The following DNAH7 variants were observed in gnomAD, a reference collection of about 807,000 sequenced individuals.
DNAH7 encodes dynein axonemal heavy chain 7.
A neutral mutation model predicts 444.6 loss-of-function variants in DNAH7; 397 were observed. That is an observed-to-expected ratio of 0.89 (90% CI 0.82 to 0.97). The LOEUF (loss-of-function observed/expected upper bound fraction) is 0.97. Among genes scored for constraint, DNAH7 ranks in the 50% least tolerant of loss-of-function variants. The probability of loss-of-function intolerance (pLI) is 0.00; values close to 1 mark genes in which losing one functional copy is unlikely to be tolerated. For missense variants in DNAH7, 4,902 were observed against 4,800.8 expected, an observed-to-expected ratio of 1.02 and a Z score of -0.62; for synonymous variants, 1,636 against 1,624.4, an observed-to-expected ratio of 1.01 and a Z score of -0.17.
rs1430731770 is a variant in DNAH7, at chr2:195,884,687, A to G, written c.5661T>C (p.Asn1887=). The G allele has an allele frequency of 6.2e-7, 1 of 1,614,070 alleles. No homozygotes were observed. The highest frequency in any genetic ancestry group is 2.2e-5 in the East Asian group (1 of 44,886). Residue 1887 remains asparagine, a synonymous_variant, in exon 35 of 65, where the codon AAT becomes AAC. Coordinates refer to ENST00000312428, the MANE Select transcript of DNAH7 (RefSeq NM_018897.3). ...CAGTACCACTCTGTAATTTAAACGT[A>G]TTTCGAGTTCGATCTGAAATTGGAC... ...MESPISDRTR[N]TFKLQSGTEQ...
chr2:195,969,644 C>T (rs1225082253), intron 17 of DNAH7, among the ~76,000 whole-genome samples: 1 of 152,100 alleles, frequency 6.6e-6, no homozygotes, highest in African/African-American at 2.4e-5. Context: ...ACTATGGACT[C>T]CCAACTATCA....
Position 195,737,753 on chromosome 2 carries a change from A to C in DNAH7, c.*168T>G. On this transcript the variant is annotated 3_prime_UTR_variant, in exon 65 of 65. Transcript: ENST00000312428. ...ATTTCAGAACATTTCCTTACATTTAAGTATGAGTCATATTAAGTTTAGCTG... is the reference window on the plus strand; with the variant it reads ...ATTTCAGAACATTTCCTTACATTTACGTATGAGTCATATTAAGTTTAGCTG... The C allele has an allele frequency of 1.7e-6, 1 of 594,324 alleles. No individual in the cohort carries two copies. The highest frequency in any genetic ancestry group is 2.1e-5 in the South Asian group (1 of 46,688). 36.8% of individuals were successfully genotyped at this position (594,324 alleles called of 1,614,324 possible).
At position 195,988,127 on chromosome 2, in the gene DNAH7, C is replaced by G; in HGVS notation, c.1456G>C (p.Ala486Pro). 2 of 1,613,618 alleles carry G rather than the reference C, an allele frequency of 1.2e-6. No homozygotes were observed. Among genetic ancestry groups the G allele is most frequent in the Non-Finnish European group, 1.7e-6 (2 of 1,179,724 alleles). ...TAGAGTCTGAGGTGCTCAGTAGGTG[C>G]CACACTCTCTTTCATAATAACTTCC... ...IKEVIMKESV[A>P]PTEHLRLYDK... Residue 486 changes from alanine to proline, a missense_variant, in exon 13 of 65, where the codon GCA (alanine) becomes CCA (proline). Transcript: ENST00000312428.
Position 196,051,179 on chromosome 2 carries a change from T to C in DNAH7, c.141+8A>G. On this transcript the variant is annotated splice_region_variant and intron_variant, in intron 3 of 64. Coordinates refer to ENST00000312428, the MANE Select transcript of DNAH7 (RefSeq NM_018897.3). The stretch of plus-strand genomic sequence containing the variant: ...AAAATTCAATGAGAATATATTTGGA[T>C]AAGTTACCATAGACAGCTGTGGTAA... The C allele has an allele frequency of 6.2e-7, 1 of 1,611,484 alleles. No homozygotes were observed.
chr2:195,933,497 C>T (rs1262551692), intron 21 of DNAH7, among the ~76,000 whole-genome samples: 3 of 152,084 alleles, frequency 2.0e-5, no homozygotes, highest in South Asian at 4.2e-4. Flanking sequence ...TTGGAGCCAA[C>T]CCAAATGTCC....
At chr2:195,745,471 C>T (rs1050096309) in intron 63 of DNAH7, among the ~76,000 whole-genome samples, 3 of 152,160 alleles carry the variant, frequency 2.0e-5, no homozygotes, top group African/African-American at 7.2e-5. Flanking sequence ...TCTAGCAAGG[C>T]AGGCCAACAT....
chr2:195,748,231 C>A (rs1315806610), intron 63 of DNAH7, among the ~76,000 whole-genome samples: 1 of 152,150 alleles, frequency 6.6e-6, no homozygotes, highest in Non-Finnish European at 1.5e-5. Context: ...AACTCCCATT[C>A]ACAACTTATT....
At chr2:195,988,746 T>G (rs940388675) in intron 12 of DNAH7, among the ~76,000 whole-genome samples, 1 of 152,108 alleles carries the variant, frequency 6.6e-6, no homozygotes, top group Non-Finnish European at 1.5e-5. Flanking sequence ...TTGTTAACTA[T>G]AGTCACCCTA....
chr2:195,962,169 T>G (rs1464172249), intron 17 of DNAH7, among the ~76,000 whole-genome samples: 3 of 152,202 alleles, frequency 2.0e-5, no homozygotes, highest in African/African-American at 7.2e-5. Flanking sequence ...CGAGGTTACT[T>G]AAAATTTCAG....
chr2:195,809,103 T>C (rs978870996), intron 52 of DNAH7, among the ~76,000 whole-genome samples: 2 of 152,216 alleles, frequency 1.3e-5, no homozygotes, highest in African/African-American at 4.8e-5. Context: ...TTTTGACAAT[T>C]TTCCTCCAGA....
intron 10 of DNAH7, among the ~76,000 whole-genome samples, chr2:196,008,328 G>C (rs1188723619): frequency 6.6e-6 from 1 of 152,070 alleles, no homozygotes. Context: ...CTCATAAATT[G>C]TTGTTAGGAA....
intron 22 of DNAH7, among the ~76,000 whole-genome samples, chr2:195,925,512 T>A (rs905079777): frequency 6.6e-6 from 1 of 152,188 alleles, no homozygotes; most frequent in Non-Finnish European, 1.5e-5. Context: ...GTGCCCTGCT[T>A]TTCATGAAGA....
intron 48 of DNAH7, among the ~76,000 whole-genome samples, chr2:195,832,432 TTTTC>T (rs758809409): frequency 2.9e-4 from 44 of 152,056 alleles, no homozygotes; most frequent in African/African-American, 4.6e-4. Flanking sequence ...GTTTTTGGTT[TTTTC>T]TTTCTTTCTT....
rs200918786 is a variant in DNAH7 at position 195,754,354 on chromosome 2, T to C, written c.11747A>G (p.Lys3916Arg). The change falls in exon 63 of 65, where the codon AAG becomes AGG. Residue 3916 changes from lysine (K) to arginine (R), a missense_variant. Lys to Arg is a conservative substitution (Grantham distance 26). Coordinates refer to ENST00000312428, the MANE Select transcript of DNAH7 (RefSeq NM_018897.3). ...DYEVMEDKEY[K>R]HPPEDGVFIH... ...GCACTTACCATCCTCAGGAGGATGCTTGTATTCTTTGTCTTCCATCACTTC... is the reference window on the plus strand; with the variant it reads ...GCACTTACCATCCTCAGGAGGATGCCTGTATTCTTTGTCTTCCATCACTTC... 220 of 1,613,998 alleles carry C rather than the reference T, an allele frequency of 1.4e-4. No individual in the cohort carries two copies. Among genetic ancestry groups the C allele is most frequent in the Non-Finnish European group, 1.7e-4 (204 of 1,179,884 alleles).
intron 5 of DNAH7, among the ~76,000 whole-genome samples, chr2:196,030,479 G>A (rs760235769): frequency 3.9e-5 from 6 of 152,036 alleles, no homozygotes; most frequent in South Asian, 2.1e-4. Context: ...CCTTCCCAAC[G>A]GTCTCCTAAA....
rs375632210 is a variant in DNAH7 at position 195,972,289 on chromosome 2, T to C, written c.2011A>G (p.Arg671Gly). 8.1e-5 allele frequency: 130 copies of C among 1,614,038 alleles called. No individual in the cohort carries two copies. The highest frequency in any genetic ancestry group is 9.8e-5 in the Non-Finnish European group (116 of 1,179,994). ...GRMGEIFEEH[R>G]KIIKEKIEQY... ...TCTATTTTCTCTTTAATGATTTTCC[T>C]GTGTTCTTCAAAAATTTCTCCCATC... Residue 671 changes from arginine to glycine, a missense_variant, in exon 16 of 65, where the codon AGG (arginine) becomes GGG (glycine). Arg to Gly is a moderately radical substitution (Grantham distance 125). Coordinates refer to ENST00000312428, the MANE Select transcript of DNAH7 (RefSeq NM_018897.3).
Position 195,900,308 on chromosome 2 carries a change from C to T in DNAH7, c.4522G>A (p.Val1508Ile), listed in dbSNP as rs759695688. ...YDYGMRAVKSVLTAAGNLKLK... is the reference protein window; with the variant it reads ...YDYGMRAVKSILTAAGNLKLK... ...TTCAGATTCCCAGCAGCAGTAAGAA[C>T]TGACTTCACGGCTCTCATTCCATAG... is the stretch of plus-strand genomic sequence containing the variant. The change falls in exon 28 of 65, where the codon GTT becomes ATT. Residue 1508 changes from valine to isoleucine, a missense_variant. Transcript: ENST00000312428. The T allele has an allele frequency of 5.0e-6, 8 of 1,613,830 alleles. No homozygotes were observed. Among genetic ancestry groups the T allele is most frequent in the African/African-American group, 2.7e-5 (2 of 74,872 alleles).
At chr2:195,971,326 G>A (rs1180702280) in intron 16 of DNAH7, among the ~76,000 whole-genome samples, 1 of 152,172 alleles carries the variant, frequency 6.6e-6, no homozygotes, top group Admixed American at 6.6e-5. Flanking sequence ...GCTATGGAAT[G>A]CTCACAGCAT....
rs1697207276 is a variant in DNAH7 at position 196,047,466 on chromosome 2, T to C, written c.284A>G (p.Lys95Arg). 5 of 1,599,680 alleles carry C rather than the reference T, an allele frequency of 3.1e-6. No individual in the cohort carries two copies. Among genetic ancestry groups the C allele is most frequent in the African/African-American group, 1.3e-5 (1 of 74,518 alleles). Residue 95 changes from lysine to arginine, a missense_variant, in exon 5 of 65, where the codon AAA (lysine) becomes AGA (arginine). By Grantham distance (26) the Lys-to-Arg change is conservative (BLOSUM62 2). Transcript: ENST00000312428. ...ACTATCATCAACTTGGTGGGGTAAT[T>C]TGCCCTTTTTTCCAAAACGTTCCAT... ...EYMERFGKKG[K>R]LPHQVDDSYV...
Sources: gnomAD v4.1 joint callset for allele counts (sites outside exome capture counted in the v4.1 genomes callset) on GRCh38, gnomAD v4.1.1 for gene constraint, MANE v1.5 for transcripts, NCBI Gene and HGNC (gene_info 2026-07-23, HGNC 2026-07-21) for gene names.